TP73: variants seen among roughly 807,000 people sequenced by gnomAD.
TP73 encodes p53-like transcription factor.
A neutral mutation model predicts 62.5 loss-of-function variants in TP73; 25 were observed. The ratio of observed to expected loss-of-function variants is 0.40; its 90% confidence interval spans 0.29 to 0.56. The LOEUF is 0.56. Ranked by LOEUF, TP73 falls within the 20% of genes least tolerant of loss-of-function variation. The pLI, the probability that TP73 is intolerant of heterozygous loss-of-function variation, is 0.46. For synonymous variants in TP73, 423 were observed against 377.5 expected (o/e 1.12, Z -1.40); for missense variants, 754 against 913.3 (o/e 0.83, Z 2.25).
chr1:3,725,853 G>T (rs997343865), intron 6 of TP73, among the ~76,000 whole-genome samples: 10 of 75,622 alleles, frequency 1.3e-4, no homozygotes, highest in Non-Finnish European at 2.0e-4. Flanking sequence ...TGAGTGGATG[G>T]ATGGAGTGGG....
rs1051799409 is a variant in TP73 at position 3,664,736 on chromosome 1, G to A, written c.-34+12095G>A. 2.0e-5 allele frequency among the ~76,000 whole-genome samples: 3 copies of A among 152,290 alleles called. No individual in the cohort carries two copies. The South Asian group carries it at 6.2e-4, about 32-fold the overall frequency. ...GTGAGATGGTTGGGGGGCAGGGGTTGTAGAGTCTGTGGGAGGCCTCGGCTG... is the reference window on the plus strand; with the variant it reads ...GTGAGATGGTTGGGGGGCAGGGGTTATAGAGTCTGTGGGAGGCCTCGGCTG... On this transcript the variant is annotated intron_variant, in intron 1 of 13. Transcript: ENST00000378295.
chr1:3,717,333 A>G (rs1235305362), intron 4 of TP73, among the ~76,000 whole-genome samples: 1 of 152,074 alleles, frequency 6.6e-6, no homozygotes, highest in Admixed American at 6.6e-5. Context: ...GAGGAGGGGA[A>G]GGAGAGGAGG....
In TP73 at chr1:3,696,940, C is replaced by A. The variant is rs563076790; in HGVS notation, c.187-10609C>A. On this transcript the variant is annotated intron_variant, in intron 3 of 13. Coordinates refer to ENST00000378295, the MANE Select transcript of TP73 (RefSeq NM_005427.4). This position sits in a 1 kb window ranked among gnomAD's most constrained non-coding sequence, Gnocchi z 4.1. The stretch of plus-strand genomic sequence containing the variant: ...CTATTTCTGTCTCCTTTGTTCTGTC[C>A]CCCATTGGACCTCCCCCCAGTCACC... Among the ~76,000 whole-genome samples the A allele has an allele frequency of 3.9e-5, 6 of 152,254 alleles. No homozygotes were observed. In the East Asian group the frequency reaches 1.2e-3, roughly 29 times the overall value.
At position 3,729,353 on chromosome 1, in the gene TP73, C is replaced by T. The variant is rs143402691; in HGVS notation, c.1101C>T (p.Ile367=). 66 of 1,613,248 alleles carry T rather than the reference C, an allele frequency of 4.1e-5. No individual in the cohort carries two copies. The African/African-American group carries it at 7.3e-4, about 18-fold the overall frequency. ...LQVRGRENFE[I]LMKLKESLEL... ...TGCGAGGCCGGGAGAACTTTGAGAT[C>T]CTGATGAAGCTGAAAGAGAGCCTGG... The change falls in exon 10 of 14, where the codon ATC becomes ATT. Residue 367 remains isoleucine (I), a synonymous_variant. Transcript: ENST00000378295.
Position 3,682,377 on chromosome 1 carries a change from C to T in TP73, c.12C>T (p.Ser4=), listed in dbSNP as rs769781741. The change falls in exon 2 of 14, where the codon TCC becomes TCT. Residue 4 remains serine, a synonymous_variant. Coordinates refer to ENST00000378295, the MANE Select transcript of TP73 (RefSeq NM_005427.4). MAQ[S]TATSPDGGTT... ...CCGGCGTGGGGAAGATGGCCCAGTC[C>T]ACCGCCACCTCCCCTGATGGGGGCA... 1.6e-5 allele frequency: 25 copies of T among 1,555,462 alleles called. No homozygotes were observed. In the East Asian group the frequency reaches 5.9e-4, roughly 37 times the overall value.
chr1:3,726,086 A>G (rs1641545250), intron 6 of TP73, among the ~76,000 whole-genome samples: 1 of 44,808 alleles, frequency 2.2e-5, no homozygotes. Context: ...GGATTTATTG[A>G]TATTGAATGG....
At chr1:3,678,471 C>T (rs758738283) in intron 1 of TP73, among the ~76,000 whole-genome samples, 7 of 152,256 alleles carry the variant, frequency 4.6e-5, no homozygotes, top group South Asian at 2.1e-4. Flanking sequence ...CCCTGCCTGG[C>T]GCCTGTGCCT....
chr1:3,733,476 C>A lies in TP73; in HGVS notation c.*397C>A, dbSNP rs755215007. 3.9e-6 allele frequency: 1 copy of A among 259,262 alleles called. No individual in the cohort carries two copies. The highest frequency in any genetic ancestry group is 7.5e-6 in the Non-Finnish European group (1 of 133,742). 16.1% of individuals were successfully genotyped at this position (259,262 alleles called of 1,614,324 possible). Reference sequence around the variant, plus strand: ...CGAGGTCCTTCCAAAGGAAAGGATCCTCTTTGCTGATGGACTGCCAAAAAG... The same window carrying A: ...CGAGGTCCTTCCAAAGGAAAGGATCATCTTTGCTGATGGACTGCCAAAAAG... On this transcript the variant is annotated 3_prime_UTR_variant, in exon 14 of 14. Transcript: ENST00000378295.
intron 13 of TP73, among the ~76,000 whole-genome samples, chr1:3,732,366 C>A (rs1026696799): frequency 6.6e-6 from 1 of 151,466 alleles, no homozygotes; most frequent in African/African-American, 2.4e-5. Flanking sequence ...CACGTTAACC[C>A]TTGCCTCCCC....
intron 1 of TP73, among the ~76,000 whole-genome samples, chr1:3,664,102 A>G (rs10910006): frequency 0.17 from 26,048 of 152,138 alleles, 2,379 homozygotes; most frequent in Admixed American, 0.24. Context: ...GGCAGACTTG[A>G]GGTGCCCAAG....
At chr1:3,705,290 GTTTC>G in intron 3 of TP73, among the ~76,000 whole-genome samples, 1 of 152,388 alleles carries the variant, frequency 6.6e-6, no homozygotes, top group South Asian at 2.1e-4. Context: ...CAGACACACT[GTTTC>G]TTTATCCATT....
intron 4 of TP73, among the ~76,000 whole-genome samples, chr1:3,711,871 CGA>C (rs1319980272): frequency 6.3e-5 from 7 of 111,222 alleles, no homozygotes; most frequent in African/African-American, 2.0e-4. Flanking sequence ...TGTGTGTGCG[CGA>C]GCATGTGCAC....
At chr1:3,708,805 C>T (rs887409345) in intron 4 of TP73, among the ~76,000 whole-genome samples, 3 of 152,184 alleles carry the variant, frequency 2.0e-5, no homozygotes, top group African/African-American at 7.2e-5. Flanking sequence ...GGCACCCAGG[C>T]CATGGCTGCA....
chr1:3,710,628 C>A (rs1640061686), intron 4 of TP73, among the ~76,000 whole-genome samples: 1 of 152,242 alleles, frequency 6.6e-6, no homozygotes, highest in Non-Finnish European at 1.5e-5. Context: ...AGGAAAAACA[C>A]CCTCACCAGC....
chr1:3,665,819 C>CTTTTTT lies in TP73; in HGVS notation c.-34+13194_-34+13199dup, dbSNP rs140454580. On this transcript the variant is annotated intron_variant, in intron 1 of 13. Coordinates refer to ENST00000378295, the MANE Select transcript of TP73 (RefSeq NM_005427.4). Reference sequence around the variant, plus strand: ...ACAGGCATGAACCACCGTGCCCGGCCTTTTTTTTTTTTTTTTTTTTTAAGA... The same window carrying CTTTTTT: ...ACAGGCATGAACCACCGTGCCCGGCCTTTTTTTTTTTTTTTTTTTTTTTTTTTAAGA... Among the ~76,000 whole-genome samples the CTTTTTT allele has an allele frequency of 4.1e-5, 4 of 96,912 alleles. No homozygotes were observed. In the East Asian group the frequency reaches 1.3e-3, roughly 32 times the overall value. The allele number at this position is 96,912 out of a possible 152,430, so 63.6% of individuals were successfully genotyped here.
chr1:3,654,490 A>G (rs574878286), intron 1 of TP73, among the ~76,000 whole-genome samples: 1 of 152,376 alleles, frequency 6.6e-6, no homozygotes, highest in African/African-American at 2.4e-5. Context: ...CATTTACTCC[A>G]GCAAGTCACT....
intron 7 of TP73, 167 bp from the exon 8 acceptor site, chr1:3,727,461 A>G: frequency 9.2e-7 from 1 of 1,087,602 alleles, no homozygotes; most frequent in Non-Finnish European, 1.3e-6. Context: ...CACAGCTTTG[A>G]GCCTCTGACT....
intron 1 of TP73, among the ~76,000 whole-genome samples, chr1:3,656,101 G>A (rs1204387616): frequency 2.6e-5 from 4 of 151,966 alleles, no homozygotes; most frequent in African/African-American, 9.7e-5. Context: ...GCGTGAACCC[G>A]GAAGGCGGAG....
intron 4 of TP73, among the ~76,000 whole-genome samples, chr1:3,709,822 C>T (rs867252759): frequency 8.5e-5 from 13 of 152,222 alleles, no homozygotes; most frequent in African/African-American, 2.9e-4. Flanking sequence ...AGCTCTGCCT[C>T]CCTTCCTCCC....
Sources: allele counts gnomAD v4.1 joint callset (sites outside exome capture counted in the v4.1 genomes callset), GRCh38; gene constraint gnomAD v4.1.1; non-coding constraint Gnocchi (gnomAD v3.1); transcripts MANE v1.5; gene names NCBI Gene and HGNC (gene_info 2026-07-23, HGNC 2026-07-21).